Variants in TSPAN5 observed in about 807,000 individuals in gnomAD.
TSPAN5 encodes tetraspanin-5.
A neutral mutation model predicts 37.1 loss-of-function variants in TSPAN5; 10 were observed. The observed-to-expected ratio is 0.27, with a 90% CI of 0.17 to 0.46. TSPAN5 has a LOEUF of 0.46. TSPAN5 is among the 20% of genes least tolerant of loss of function. TSPAN5 has a pLI of 1.00. For missense variants in TSPAN5, 195 were observed against 326.6 expected, an observed-to-expected ratio of 0.60 and a Z score of 3.11; for synonymous variants, 110 against 118.9, an observed-to-expected ratio of 0.93 and a Z score of 0.48.
intron 1 of TSPAN5, among the ~76,000 whole-genome samples, chr4:98,575,359 G>A (rs1755210197): frequency 6.6e-6 from 1 of 150,946 alleles, no homozygotes; most frequent in South Asian, 2.1e-4. Flanking sequence ...CAGGCTGGCG[G>A]GCTCTTTTTT....
intron 1 of TSPAN5, among the ~76,000 whole-genome samples, chr4:98,544,101 G>A (rs1036849902): frequency 6.6e-6 from 1 of 152,070 alleles, no homozygotes; most frequent in Non-Finnish European, 1.5e-5. Context: ...GATTCCTTAA[G>A]CCCAGGAGTT....
chr4:98,599,088 G>T (rs139141223), intron 1 of TSPAN5, among the ~76,000 whole-genome samples: 1 of 152,026 alleles, frequency 6.6e-6, no homozygotes, highest in Admixed American at 6.5e-5. Context: ...ATAAAAGTGC[G>T]AAATAACCCC....
chr4:98,562,982 G>A (rs1323424597), intron 1 of TSPAN5, among the ~76,000 whole-genome samples: 2 of 152,086 alleles, frequency 1.3e-5, no homozygotes, highest in Non-Finnish European at 2.9e-5. Context: ...CAGCATTCAG[G>A]TGAAAGCTAA....
intron 1 of TSPAN5, among the ~76,000 whole-genome samples, chr4:98,645,929 T>C (rs1717415123): frequency 6.6e-6 from 1 of 152,196 alleles, no homozygotes; most frequent in East Asian, 1.9e-4. Flanking sequence ...CTTTATCCCC[T>C]GCTTCCCCTT....
chr4:98,534,019 A>G lies in TSPAN5; in HGVS notation c.82-26291T>C, dbSNP rs574409630. On this transcript the variant is annotated intron_variant, in intron 1 of 7. Coordinates refer to ENST00000305798, the MANE Select transcript of TSPAN5 (RefSeq NM_005723.4). ...AGTTTTTCGTGTCTCTATCTCCTTC[A>G]GTTCTGCTCTGATCTTAGTTATTTC... is the stretch of plus-strand genomic sequence containing the variant. 6.2e-5 allele frequency among the ~76,000 whole-genome samples: 8 copies of G among 129,380 alleles called. No individual in the cohort carries two copies. In the South Asian group the frequency reaches 2.1e-3, roughly 34 times the overall value. The allele number at this position is 129,380 out of a possible 152,430, so 84.9% of individuals were successfully genotyped here. A position where few individuals can be genotyped will look rare whatever the true frequency, so the allele number is the denominator to read the frequency against.
intron 1 of TSPAN5, among the ~76,000 whole-genome samples, chr4:98,516,959 C>T (rs1753744805): frequency 6.6e-6 from 1 of 152,174 alleles, no homozygotes; most frequent in Non-Finnish European, 1.5e-5. Flanking sequence ...AACTTCCCAG[C>T]CTGCAGAACC....
intron 1 of TSPAN5, among the ~76,000 whole-genome samples, chr4:98,575,439 T>C (rs2110187881): frequency 6.6e-6 from 1 of 151,704 alleles, no homozygotes; most frequent in East Asian, 1.9e-4. Context: ...CTTTCAGATC[T>C]AAGCTCTTCA....
intron 1 of TSPAN5, among the ~76,000 whole-genome samples, chr4:98,550,217 T>C (rs1347632056): frequency 1.3e-5 from 2 of 152,174 alleles, no homozygotes; most frequent in Non-Finnish European, 2.9e-5. Flanking sequence ...ATTTTTGGCT[T>C]CTCTATTCTA....
chr4:98,510,904 T>G (rs1188555982), intron 1 of TSPAN5, among the ~76,000 whole-genome samples: 2 of 152,188 alleles, frequency 1.3e-5, no homozygotes, highest in Admixed American at 1.3e-4. Flanking sequence ...AAAATCAAGT[T>G]GTTCCAGTTC....
chr4:98,588,586 C>A (rs1243956243), intron 1 of TSPAN5, among the ~76,000 whole-genome samples: 1 of 152,076 alleles, frequency 6.6e-6, no homozygotes, highest in Non-Finnish European at 1.5e-5. Context: ...TGAAATCTTC[C>A]AGTTTTCTCA....
intron 4 of TSPAN5, among the ~76,000 whole-genome samples, chr4:98,479,884 CAT>C (rs1467745457): frequency 1.3e-5 from 2 of 152,194 alleles, no homozygotes; most frequent in Non-Finnish European, 2.9e-5. Context: ...TGTACTTTTG[CAT>C]ACAGATGTTA....
intron 1 of TSPAN5, among the ~76,000 whole-genome samples, chr4:98,604,082 GA>G (rs1000633237): frequency 8.1e-5 from 12 of 147,556 alleles, no homozygotes; most frequent in East Asian, 5.9e-4. Flanking sequence ...GAACTAGCAT[GA>G]AAAAAAAAAG....
chr4:98,657,244 C>G (rs985687944), intron 1 of TSPAN5, among the ~76,000 whole-genome samples: 1 of 152,170 alleles, frequency 6.6e-6, no homozygotes, highest in Non-Finnish European at 1.5e-5. Flanking sequence ...GCGTCCCAGC[C>G]TAATTACAAT....
chr4:98,522,672 G>A (rs1374673262), intron 1 of TSPAN5, among the ~76,000 whole-genome samples: 1 of 152,186 alleles, frequency 6.6e-6, no homozygotes, highest in Non-Finnish European at 1.5e-5. Flanking sequence ...AAGGCACAGA[G>A]GCAATTAGTC....
chr4:98,493,972 T>C (rs1036906159), intron 2 of TSPAN5, among the ~76,000 whole-genome samples: 1 of 152,232 alleles, frequency 6.6e-6, no homozygotes. Context: ...AAGAGATGAT[T>C]CTGCAATAGG....
chr4:98,521,001 G>A (rs1046834831), intron 1 of TSPAN5, among the ~76,000 whole-genome samples: 1 of 152,020 alleles, frequency 6.6e-6, no homozygotes, highest in Non-Finnish European at 1.5e-5. Context: ...GCGCAATCTC[G>A]GCTCACTGCA....
At position 98,530,220 on chromosome 4, in the gene TSPAN5, C is replaced by A. The variant is rs577871104; in HGVS notation, c.82-22492G>T. On this transcript the variant is annotated intron_variant, in intron 1 of 7. Coordinates refer to ENST00000305798, the MANE Select transcript of TSPAN5 (RefSeq NM_005723.4). ...CACTGGGACCAGAGCAAATGAGAGACAGTGAGCACATCCTGAAATGGCCAG... is the reference window on the plus strand; with the variant it reads ...CACTGGGACCAGAGCAAATGAGAGAAAGTGAGCACATCCTGAAATGGCCAG... Among the ~76,000 whole-genome samples, 5 of 152,330 alleles carry A rather than the reference C, an allele frequency of 3.3e-5. No individual in the cohort carries two copies. The South Asian group carries it at 1.0e-3, about 32-fold the overall frequency.
At chr4:98,480,324 T>C (rs1205119471) in intron 4 of TSPAN5, among the ~76,000 whole-genome samples, 1 of 152,232 alleles carries the variant, frequency 6.6e-6, no homozygotes, top group Non-Finnish European at 1.5e-5. Flanking sequence ...TAACTTTTCA[T>C]CATATTTGTT....
At chr4:98,478,639 G>A (rs1578932456) in intron 5 of TSPAN5, 46 bp downstream of exon 5, 10 of 1,612,024 alleles carry the variant, frequency 6.2e-6, no homozygotes, top group East Asian at 2.2e-5. Context: ...GCACACTCTC[G>A]GCATGATGTA....
Sources: allele counts gnomAD v4.1 joint callset (sites outside exome capture counted in the v4.1 genomes callset), GRCh38; gene constraint gnomAD v4.1.1; transcripts MANE v1.5; gene names NCBI Gene and HGNC (gene_info 2026-07-23, HGNC 2026-07-21).